Variants in ITPR2 observed in about 807,000 individuals in gnomAD.
The protein encoded by ITPR2 is inositol 1,4,5-trisphosphate receptor type 2, also known as inositol 1,4,5-trisphosphate-gated calcium channel ITPR2.
ITPR2 carries 207 observed loss-of-function variants against 317.1 expected under a neutral mutation model. The ratio of observed to expected loss-of-function variants is 0.65; its 90% CI spans 0.58 to 0.73. The LOEUF is 0.73. Ranked by LOEUF, ITPR2 falls within the 30% of genes least tolerant of loss-of-function variation. The pLI is 0.00. For synonymous variants in ITPR2, 1,156 were observed against 1,149.1 expected (o/e 1.01, Z -0.12); for missense variants, 2,613 against 3,284.0 (o/e 0.80, Z 4.99).
intron 37 of ITPR2, among the ~76,000 whole-genome samples, chr12:26,549,119 G>C (rs1944460442): frequency 6.6e-6 from 1 of 152,106 alleles, no homozygotes; most frequent in Non-Finnish European, 1.5e-5. Context: ...TTAAGAGAAA[G>C]ACAACCAAAA....
At chr12:26,385,017 T>A (rs1380536413) in intron 55 of ITPR2, among the ~76,000 whole-genome samples, 1 of 152,154 alleles carries the variant, frequency 6.6e-6, no homozygotes, top group Non-Finnish European at 1.5e-5. Flanking sequence ...ACAGAGAGGA[T>A]CTCTGCACTC....
chr12:26,370,567 T>C (rs192958221), intron 55 of ITPR2, among the ~76,000 whole-genome samples: 91 of 152,372 alleles, frequency 6.0e-4, no homozygotes, highest in African/African-American at 2.1e-3. Context: ...TTTTCCCCCA[T>C]GCGGAATTTT....
At chr12:26,617,353 C>G (rs538178740) in intron 26 of ITPR2, among the ~76,000 whole-genome samples, 1 of 152,168 alleles carries the variant, frequency 6.6e-6, no homozygotes, top group South Asian at 2.1e-4. Context: ...TAGAAAAATG[C>G]ACAACAAATT....
At chr12:26,515,911 A>G (rs2136925429) in intron 37 of ITPR2, among the ~76,000 whole-genome samples, 1 of 151,096 alleles carries the variant, frequency 6.6e-6, no homozygotes, top group African/African-American at 2.4e-5. Flanking sequence ...GGAGTTCAAG[A>G]CCAGCCTGAG....
intron 55 of ITPR2, among the ~76,000 whole-genome samples, chr12:26,340,890 T>G (rs1938089882): frequency 6.6e-6 from 1 of 152,158 alleles, no homozygotes; most frequent in Non-Finnish European, 1.5e-5. Flanking sequence ...TCTGCTCCCT[T>G]TGGAAAGATT....
intron 10 of ITPR2, among the ~76,000 whole-genome samples, chr12:26,692,791 C>T (rs1211539628): frequency 6.8e-6 from 1 of 147,140 alleles, no homozygotes; most frequent in Admixed American, 6.8e-5. Flanking sequence ...TTCTAAATTA[C>T]AAAAAAAAAA....
At chr12:26,376,491 C>A (rs1339061324) in intron 55 of ITPR2, among the ~76,000 whole-genome samples, 1 of 152,116 alleles carries the variant, frequency 6.6e-6, no homozygotes, top group Non-Finnish European at 1.5e-5. Context: ...GTGGCATTTC[C>A]TTAGTACCAG....
At chr12:26,605,098 A>AATAAT (rs1555165356) in intron 26 of ITPR2, among the ~76,000 whole-genome samples, 3 of 107,150 alleles carry the variant, frequency 2.8e-5, no homozygotes, top group Non-Finnish European at 6.3e-5. Context: ...AAAAAAAAAA[A>AATAAT]AAATAAAAAT....
At chr12:26,825,039 C>G (rs1346414537) in intron 1 of ITPR2, among the ~76,000 whole-genome samples, 1 of 152,122 alleles carries the variant, frequency 6.6e-6, no homozygotes, top group East Asian at 1.9e-4. Context: ...TGAGACCAGC[C>G]TGGCCAACAT....
In ITPR2 at chr12:26,445,462, T is replaced by C. The variant is rs143482612; in HGVS notation, c.6343-1812A>G. ...AGCTCCATGGAACTCCAATATAGGT[T>C]AGGAAGAGAAAAGACATCAGCAAAT... On this transcript the variant is annotated intron_variant, in intron 45 of 56. Coordinates refer to ENST00000381340, the MANE Select transcript of ITPR2 (RefSeq NM_002223.4). Among the ~76,000 whole-genome samples the C allele has an allele frequency of 2.6e-3, 395 of 151,770 alleles. 4 individuals carry two copies. Among genetic ancestry groups the C allele is most frequent in the African/African-American group, 9.1e-3 (376 of 41,462 alleles).
intron 45 of ITPR2, among the ~76,000 whole-genome samples, chr12:26,459,897 C>A (rs1941973570): frequency 6.6e-6 from 1 of 152,224 alleles, no homozygotes; most frequent in Non-Finnish European, 1.5e-5. Context: ...TCCTTAACTA[C>A]CAACAGTCTA....
intron 55 of ITPR2, among the ~76,000 whole-genome samples, chr12:26,384,062 A>C (rs1197817545): frequency 6.6e-6 from 1 of 152,224 alleles, no homozygotes; most frequent in Non-Finnish European, 1.5e-5. Context: ...TTAAAGAACA[A>C]AAATAAGAGT....
At chr12:26,423,548 T>G (rs538048198) in intron 49 of ITPR2, among the ~76,000 whole-genome samples, 1 of 152,200 alleles carries the variant, frequency 6.6e-6, no homozygotes, top group Non-Finnish European at 1.5e-5. Flanking sequence ...TTTTACTACA[T>G]TGTTATTTAT....
intron 55 of ITPR2, among the ~76,000 whole-genome samples, chr12:26,368,650 A>G (rs1159995222): frequency 2.6e-5 from 4 of 152,240 alleles, no homozygotes; most frequent in Non-Finnish European, 5.9e-5. Context: ...CACTTGCATT[A>G]TTAAGAATCT....
chr12:26,627,175 A>C (rs1012223755), intron 23 of ITPR2: 1 of 152,224 alleles, frequency 6.6e-6, no homozygotes, highest in Non-Finnish European at 1.5e-5. Context: ...ACAAAATGAG[A>C]CCAACAACCA....
chr12:26,725,809 A>T, intron 2 of ITPR2, 44 bp from the exon 3 acceptor site: 2 of 1,253,004 alleles, frequency 1.6e-6, no homozygotes, highest in Non-Finnish European at 2.3e-6. Flanking sequence ...TAAGGCTACT[A>T]GCATTTCTTA....
At chr12:26,358,959 G>A (rs1938732058) in intron 55 of ITPR2, among the ~76,000 whole-genome samples, 1 of 152,198 alleles carries the variant, frequency 6.6e-6, no homozygotes, top group Non-Finnish European at 1.5e-5. Context: ...CCTCCTCAGA[G>A]AGGCTACCAT....
chr12:26,715,962 G>T, intron 6 of ITPR2, 127 bp from the exon 7 acceptor site: 1 of 751,322 alleles, frequency 1.3e-6, no homozygotes. Flanking sequence ...CTCAATACAA[G>T]TATCTTTGAG....
chr12:26,382,431 G>A (rs1029096156), intron 55 of ITPR2, among the ~76,000 whole-genome samples: 19 of 152,142 alleles, frequency 1.2e-4, no homozygotes, highest in South Asian at 2.1e-4. Flanking sequence ...TTGGGAGATC[G>A]AAGCAGGTGG....
Sources: gnomAD v4.1 joint callset for allele counts (sites outside exome capture counted in the v4.1 genomes callset) on GRCh38, gnomAD v4.1.1 for gene constraint, MANE v1.5 for transcripts, NCBI Gene and HGNC (gene_info 2026-07-23, HGNC 2026-07-21) for gene names.